The following MCPH1 variants were observed in gnomAD, a reference collection of about 807,000 sequenced individuals.
The protein encoded by MCPH1 is microcephalin.
In MCPH1, 104 loss-of-function variants were observed where a neutral mutation model predicts 84.5. That is an observed-to-expected ratio of 1.23 (90% CI 1.05 to 1.45). The LOEUF (loss-of-function observed/expected upper bound fraction) is 1.45. Among genes scored for constraint, MCPH1 ranks in the 40% most tolerant of loss-of-function variants. MCPH1 has a pLI of 0.00. For synonymous variants in MCPH1, 514 were observed against 366.8 expected, an observed-to-expected ratio of 1.40 and a Z score of -4.58; for missense variants, 1,498 against 1,005.7, an observed-to-expected ratio of 1.49 and a Z score of -6.62.
At chr8:6,563,167 T>C (rs543457567) in intron 12 of MCPH1, 1 of 390,264 alleles carries the variant, frequency 2.6e-6, no homozygotes, top group South Asian at 4.9e-5. Flanking sequence ...TCCTGCTCAC[T>C]TGGGAGGGCT....
At chr8:6,438,285 T>C (rs1362360356) in intron 5 of MCPH1, among the ~76,000 whole-genome samples, 3 of 152,218 alleles carry the variant, frequency 2.0e-5, no homozygotes, top group African/African-American at 2.4e-5. Flanking sequence ...CTAATGTACA[T>C]TTGTATATTG....
At chr8:6,622,563 G>T (rs2129580910) in intron 13 of MCPH1, among the ~76,000 whole-genome samples, 2 of 152,306 alleles carry the variant, frequency 1.3e-5, no homozygotes, top group South Asian at 4.1e-4. Flanking sequence ...GTTTGCTTGG[G>T]CTGCCATCGC....
chr8:6,512,982 C>G (rs552985578), intron 12 of MCPH1, among the ~76,000 whole-genome samples: 2 of 152,218 alleles, frequency 1.3e-5, no homozygotes, highest in Non-Finnish European at 2.9e-5. Flanking sequence ...GACAGACTAA[C>G]TTTTGAAACC....
intron 12 of MCPH1, among the ~76,000 whole-genome samples, chr8:6,533,528 T>A (rs535648193): frequency 6.6e-6 from 1 of 151,558 alleles, no homozygotes; most frequent in Admixed American, 6.6e-5. Context: ...GCTTTTAAAG[T>A]CATTGTGTAT....
chr8:6,621,303 G>T, intron 12 of MCPH1, 151 bp from the exon 13 acceptor site: 1 of 973,264 alleles, frequency 1.0e-6, no homozygotes, highest in Non-Finnish European at 1.6e-6. Context: ...ATCTTCTCTG[G>T]ATTCTCAGAA....
chr8:6,432,796 T>G (rs1802030976), intron 4 of MCPH1, among the ~76,000 whole-genome samples: 1 of 152,264 alleles, frequency 6.6e-6, no homozygotes, highest in African/African-American at 2.4e-5. Flanking sequence ...TACCTGATTA[T>G]AGGTGAACAA....
intron 12 of MCPH1, chr8:6,508,849 A>G (rs560482938): frequency 3.6e-4 from 567 of 1,582,754 alleles, no homozygotes; most frequent in Middle Eastern, 1.5e-3. Flanking sequence ...ACAAATCACA[A>G]TTTGTAGTCC....
intron 12 of MCPH1, chr8:6,615,998 T>G (rs1241898420): frequency 6.6e-6 from 1 of 152,170 alleles, no homozygotes; most frequent in Non-Finnish European, 1.5e-5. Context: ...ATCGCATAAC[T>G]CTGACTATAC....
intron 6 of MCPH1, among the ~76,000 whole-genome samples, chr8:6,439,579 T>C (rs12543581): frequency 6.6e-6 from 1 of 152,068 alleles, no homozygotes; most frequent in Non-Finnish European, 1.5e-5. Flanking sequence ...GTATTTTTAG[T>C]AGAGACGGGG....
chr8:6,480,763 A>C lies in MCPH1; in HGVS notation c.2023A>C (p.Ile675Leu). ...QVVDKLKGFS[I>L]APDVCETTTH... ...TGTGGATAAATTGAAAGGCTTTTCA[A>C]TTGCACCAGACGTCTGTGAGACCAC... The change falls in exon 11 of 14, where the codon ATT becomes CTT. Residue 675 changes from isoleucine (I) to leucine (L), a missense_variant. Physicochemically the swap from Ile to Leu is conservative, Grantham distance 5. Transcript: ENST00000344683. 1 of 1,614,226 alleles carries C rather than the reference A, an allele frequency of 6.2e-7. No homozygotes were observed. Among genetic ancestry groups the C allele is most frequent in the Non-Finnish European group, 8.5e-7 (1 of 1,180,042 alleles).
chr8:6,593,646 A>G (rs1321136866), intron 12 of MCPH1, among the ~76,000 whole-genome samples: 1 of 152,202 alleles, frequency 6.6e-6, no homozygotes, highest in Non-Finnish European at 1.5e-5. Flanking sequence ...GAACCCCTAC[A>G]GCTGACCCAG....
At chr8:6,447,186 T>G (rs1416818475) in intron 8 of MCPH1, 1 of 985,272 alleles carries the variant, frequency 1.0e-6, no homozygotes, top group Non-Finnish European at 1.2e-6. Context: ...GTAATAAAGA[T>G]TCATCAATGT....
chr8:6,630,730 G>A (rs2129582133), intron 13 of MCPH1, among the ~76,000 whole-genome samples: 1 of 148,364 alleles, frequency 6.7e-6, no homozygotes, highest in African/African-American at 2.5e-5. Flanking sequence ...GCAGTGAGCC[G>A]AGACTGTGCC....
intron 9 of MCPH1, among the ~76,000 whole-genome samples, chr8:6,473,666 T>A (rs1808059859): frequency 6.6e-6 from 1 of 152,204 alleles, no homozygotes; most frequent in Admixed American, 6.5e-5. Context: ...TTTGTTGTAT[T>A]TCATATGTTT....
At chr8:6,616,692 G>A (rs1830823701) in intron 12 of MCPH1, 1 of 152,250 alleles carries the variant, frequency 6.6e-6, no homozygotes, top group African/African-American at 2.4e-5. Flanking sequence ...CAGTGTATAT[G>A]CATGGGTATG....
intron 3 of MCPH1, among the ~76,000 whole-genome samples, chr8:6,418,929 G>T (rs1489018684): frequency 6.6e-6 from 1 of 151,956 alleles, no homozygotes; most frequent in African/African-American, 2.4e-5. Flanking sequence ...GTTTTGAATT[G>T]ATCATTCCAG....
chr8:6,578,488 T>C (rs1363639820), intron 12 of MCPH1, among the ~76,000 whole-genome samples: 1 of 150,386 alleles, frequency 6.6e-6, no homozygotes, highest in Non-Finnish European at 1.5e-5. Flanking sequence ...TAAGTACATT[T>C]AGTGATTAAA....
At chr8:6,509,591 G>A (rs1001787639) in intron 12 of MCPH1, among the ~76,000 whole-genome samples, 1 of 152,042 alleles carries the variant, frequency 6.6e-6, no homozygotes, top group African/African-American at 2.4e-5. Flanking sequence ...GTATAGTAGG[G>A]TAATGTAATT....
chr8:6,497,113 A>C (rs1369729389), intron 11 of MCPH1, among the ~76,000 whole-genome samples: 2 of 152,208 alleles, frequency 1.3e-5, no homozygotes. Flanking sequence ...CCTGATTGGA[A>C]GTGCAACATT....
Sources: gnomAD v4.1 joint callset for allele counts (sites outside exome capture counted in the v4.1 genomes callset) on GRCh38, gnomAD v4.1.1 for gene constraint, MANE v1.5 for transcripts, NCBI Gene and HGNC (gene_info 2026-07-23, HGNC 2026-07-21) for gene names.